The following DAB1 variants were observed in gnomAD, a reference collection of about 807,000 sequenced individuals.
The protein encoded by DAB1 is disabled homolog 1.
Under a neutral mutation model 64.6 loss-of-function variants are expected in DAB1, and 15 were observed. That is an observed-to-expected ratio of 0.23 (90% CI 0.16 to 0.36). DAB1 has a LOEUF of 0.36. Ranked by LOEUF, DAB1 falls within the 10% of genes least tolerant of loss-of-function variation. The pLI, the probability that DAB1 is intolerant of heterozygous loss-of-function variation, is 1.00. For missense variants in DAB1, 596 were observed against 706.7 expected (o/e 0.84, Z 1.78); for synonymous variants, 235 against 251.9 (o/e 0.93, Z 0.64).
chr1:57,701,193 C>T (rs1035729697), intron 6 of DAB1, among the ~76,000 whole-genome samples: 4 of 151,974 alleles, frequency 2.6e-5, no homozygotes. Context: ...ACCCAGCCAT[C>T]CCATTACTGG....
At chr1:58,469,289 T>C (rs915205617) in intron 3 of DAB1, among the ~76,000 whole-genome samples, 12 of 152,166 alleles carry the variant, frequency 7.9e-5, no homozygotes, top group Non-Finnish European at 1.2e-4. Flanking sequence ...CTGATGTAGG[T>C]CTCACTTTTG....
At chr1:57,365,249 A>G (rs1282377268) in intron 1 of DAB1, among the ~76,000 whole-genome samples, 1 of 142,264 alleles carries the variant, frequency 7.0e-6, no homozygotes, top group African/African-American at 2.5e-5. Context: ...AAACATATTT[A>G]TATATTATAT....
chr1:58,045,819 A>G (rs1378884936), intron 5 of DAB1, among the ~76,000 whole-genome samples: 2 of 146,944 alleles, frequency 1.4e-5, no homozygotes, highest in Admixed American at 1.4e-4. Context: ...CTTTTTTTCC[A>G]TTTATTCTCC....
chr1:58,458,004 C>T (rs1443819734), intron 3 of DAB1, among the ~76,000 whole-genome samples: 1 of 152,206 alleles, frequency 6.6e-6, no homozygotes, highest in Non-Finnish European at 1.5e-5. Context: ...ACAAGTAACT[C>T]ATTTATGTCA....
At chr1:58,127,983 C>A (rs1393721790) in intron 5 of DAB1, among the ~76,000 whole-genome samples, 1 of 151,822 alleles carries the variant, frequency 6.6e-6, no homozygotes, top group Non-Finnish European at 1.5e-5. Flanking sequence ...TAGTTTTTTC[C>A]AATTGTGTGA....
chr1:57,315,659 C>A (rs1181648764), intron 1 of DAB1, among the ~76,000 whole-genome samples: 1 of 152,112 alleles, frequency 6.6e-6, no homozygotes, highest in Non-Finnish European at 1.5e-5. Context: ...CCTGCCACCA[C>A]GCCCAGCTAA....
intron 4 of DAB1, among the ~76,000 whole-genome samples, chr1:58,287,506 T>C (rs960376886): frequency 1.3e-5 from 2 of 152,106 alleles, no homozygotes; most frequent in South Asian, 4.1e-4. Flanking sequence ...CTTGCTCTCA[T>C]GGTTCGCAGT....
chr1:57,231,447 C>T (rs1302715756), intron 2 of DAB1, among the ~76,000 whole-genome samples: 1 of 152,002 alleles, frequency 6.6e-6, no homozygotes, highest in Non-Finnish European at 1.5e-5. Context: ...GTCTGTACAC[C>T]CTCTATCAAA....
chr1:57,170,050 G>T (rs1394495221), intron 2 of DAB1, among the ~76,000 whole-genome samples: 2 of 150,492 alleles, frequency 1.3e-5, no homozygotes, highest in African/African-American at 4.9e-5. Flanking sequence ...AGGCTGGAGT[G>T]CAGTGGTGTG....
intron 7 of DAB1, among the ~76,000 whole-genome samples, chr1:57,568,796 G>A (rs1054736455): frequency 5.3e-5 from 8 of 152,170 alleles, no homozygotes; most frequent in Non-Finnish European, 1.0e-4. Context: ...TGGAGAGGAT[G>A]TGGAGAAATA....
chr1:57,469,483 C>G (rs1687067673), intron 7 of DAB1, among the ~76,000 whole-genome samples: 1 of 152,184 alleles, frequency 6.6e-6, no homozygotes, highest in Non-Finnish European at 1.5e-5. Flanking sequence ...CTGACAGAAG[C>G]CATGTCCCTC....
intron 1 of DAB1, among the ~76,000 whole-genome samples, chr1:57,845,341 G>C (rs2101920694): frequency 6.6e-6 from 1 of 152,292 alleles, no homozygotes; most frequent in East Asian, 1.9e-4. Context: ...AGAGAGACAG[G>C]AGGGAGGTAA....
intron 1 of DAB1, among the ~76,000 whole-genome samples, chr1:57,330,654 T>G (rs939282888): frequency 6.6e-6 from 1 of 152,198 alleles, no homozygotes; most frequent in Non-Finnish European, 1.5e-5. Flanking sequence ...GTCGACGTGA[T>G]GTGCTTCTTG....
chr1:58,217,267 T>C (rs1427659516), intron 4 of DAB1, among the ~76,000 whole-genome samples: 4 of 152,180 alleles, frequency 2.6e-5, no homozygotes, highest in Non-Finnish European at 5.9e-5. Context: ...TTGGACTCTG[T>C]CTCTTCTCAG....
At chr1:57,660,625 A>G (rs1646375746) in intron 6 of DAB1, among the ~76,000 whole-genome samples, 1 of 152,226 alleles carries the variant, frequency 6.6e-6, no homozygotes, top group East Asian at 1.9e-4. Flanking sequence ...CACTCTGCTG[A>G]GGCTGGGAGG....
intron 7 of DAB1, among the ~76,000 whole-genome samples, chr1:57,465,040 A>G (rs899223869): frequency 2.6e-5 from 4 of 152,192 alleles, no homozygotes; most frequent in Admixed American, 2.0e-4. Context: ...ACCACTTGTC[A>G]GAGGAAAAAT....
intron 4 of DAB1, among the ~76,000 whole-genome samples, chr1:58,157,804 C>A (rs550378052): frequency 2.0e-5 from 3 of 152,138 alleles, no homozygotes; most frequent in African/African-American, 7.2e-5. Flanking sequence ...TATTCTCTAC[C>A]CAAATAATTT....
chr1:57,415,598 C>T (rs1284106923), intron 1 of DAB1, among the ~76,000 whole-genome samples: 1 of 152,176 alleles, frequency 6.6e-6, no homozygotes, highest in Non-Finnish European at 1.5e-5. Flanking sequence ...CATGCCATAG[C>T]TCAGATTCAG....
chr1:57,556,472 C>T (rs932712620), intron 7 of DAB1, among the ~76,000 whole-genome samples: 2 of 151,814 alleles, frequency 1.3e-5, no homozygotes, highest in South Asian at 4.2e-4. Context: ...TATGGCCATT[C>T]TTGTAGGAGT....
Sources: allele counts gnomAD v4.1 joint callset (sites outside exome capture counted in the v4.1 genomes callset), GRCh38; gene constraint gnomAD v4.1.1; transcripts MANE v1.5; gene names NCBI Gene and HGNC (gene_info 2026-07-23, HGNC 2026-07-21).